The following COL25A1 variants were observed in gnomAD, a reference collection of about 807,000 sequenced individuals.
COL25A1 encodes collagen type XXV alpha 1 chain.
Under a neutral mutation model 128.4 loss-of-function variants are expected in COL25A1, and 103 were observed. The ratio of observed to expected loss-of-function variants is 0.80; its 90% CI spans 0.68 to 0.94. COL25A1 has a LOEUF of 0.94. Ranked by LOEUF, COL25A1 falls within the 40% of genes least tolerant of loss-of-function variation. The pLI is 0.00. For synonymous variants in COL25A1, 279 were observed against 277.2 expected (o/e 1.01, Z -0.06); for missense variants, 745 against 840.0 (o/e 0.89, Z 1.40).
chr4:108,963,093 C>T (rs1227484906), intron 8 of COL25A1, among the ~76,000 whole-genome samples: 1 of 152,208 alleles, frequency 6.6e-6, no homozygotes. Context: ...CCTACAGGAA[C>T]TGTTCTCCCT....
chr4:109,050,105 T>C, intron 4 of COL25A1, 30 bp downstream of exon 4: 4 of 1,593,382 alleles, frequency 2.5e-6, no homozygotes, highest in Non-Finnish European at 3.4e-6. Flanking sequence ...AGAACATGAG[T>C]GACACAGAGC....
intron 14 of COL25A1, among the ~76,000 whole-genome samples, chr4:108,899,778 C>G (rs1416302282): frequency 6.6e-6 from 1 of 152,020 alleles, no homozygotes; most frequent in Admixed American, 6.6e-5. Flanking sequence ...AGGAAAGACA[C>G]TAGAATGGGG....
chr4:109,291,701 A>T (rs13140690), intron 3 of COL25A1, among the ~76,000 whole-genome samples: 8,893 of 152,162 alleles, frequency 0.058, 339 homozygotes, highest in Non-Finnish European at 0.085. Flanking sequence ...GTAAAAATAT[A>T]AGGGAAGAAA....
intron 3 of COL25A1, among the ~76,000 whole-genome samples, chr4:109,215,168 AG>A (rs779469809): frequency 2.6e-5 from 4 of 152,180 alleles, no homozygotes; most frequent in Non-Finnish European, 5.9e-5. Context: ...ACAGGAAATC[AG>A]GGTAACAAGT....
At position 108,863,378 on chromosome 4, in the gene COL25A1, C is replaced by T. The variant is rs771422360; in HGVS notation, c.1093G>A (p.Gly365Arg). 6.2e-7 allele frequency: 1 copy of T among 1,613,750 alleles called. No individual in the cohort carries two copies. Among genetic ancestry groups the T allele is most frequent in the Admixed American group, 1.7e-5 (1 of 59,974 alleles). ...CCTCTTCCAGGAGGCCCTGCTTCCC[C>T]CCGTTCACCCTGTCACAAATTGCAA... ...PGLPGTKGER[G>R]EAGPPGRGER... The change falls in exon 21 of 38, where the codon GGG (glycine) becomes AGG (arginine). Residue 365 changes from glycine (G) to arginine (R), a missense_variant. By Grantham distance (125) the Gly-to-Arg change is moderately radical. This residue lies in a region of COL25A1 where 387 missense variants were observed against 441.9 expected (regional missense o/e 0.88). Coordinates refer to ENST00000399132, the MANE Select transcript of COL25A1 (RefSeq NM_198721.4).
chr4:108,858,321 A>G (rs1013055273), intron 24 of COL25A1, among the ~76,000 whole-genome samples: 2 of 151,998 alleles, frequency 1.3e-5, no homozygotes, highest in Non-Finnish European at 2.9e-5. Flanking sequence ...GTCATTGGTC[A>G]AGGAGCTGTT....
At chr4:109,224,818 T>A (rs1778682627) in intron 3 of COL25A1, among the ~76,000 whole-genome samples, 1 of 152,158 alleles carries the variant, frequency 6.6e-6, no homozygotes, top group Admixed American at 6.5e-5. Context: ...CAGGTGCCTG[T>A]AATCCCAGCT....
intron 6 of COL25A1, among the ~76,000 whole-genome samples, chr4:108,978,081 G>T (rs942656417): frequency 6.6e-6 from 1 of 152,210 alleles, no homozygotes; most frequent in East Asian, 1.9e-4. Context: ...CCAAATCCAC[G>T]TATCAACTAG....
At chr4:109,191,660 T>C (rs566473709) in intron 3 of COL25A1, among the ~76,000 whole-genome samples, 34 of 152,368 alleles carry the variant, frequency 2.2e-4, no homozygotes, top group Non-Finnish European at 4.6e-4. Flanking sequence ...AAATCCTTTA[T>C]TGAATGCTGA....
intron 3 of COL25A1, among the ~76,000 whole-genome samples, chr4:109,296,252 A>C (rs182451201): frequency 1.7e-3 from 262 of 152,160 alleles, no homozygotes; most frequent in Non-Finnish European, 2.8e-3. Flanking sequence ...TTTTCATCGG[A>C]AACCAGATTT....
intron 3 of COL25A1, among the ~76,000 whole-genome samples, chr4:109,203,560 C>T (rs1418690583): frequency 2.6e-5 from 4 of 152,024 alleles, no homozygotes; most frequent in African/African-American, 9.6e-5. Context: ...CCAGAGACCA[C>T]CAGTCCAGAG....
At chr4:108,905,491 T>C (rs1182085221) in intron 13 of COL25A1, among the ~76,000 whole-genome samples, 1 of 151,368 alleles carries the variant, frequency 6.6e-6, no homozygotes, top group African/African-American at 2.4e-5. Flanking sequence ...AATGTGCACA[T>C]GTACCCTAAA....
chr4:109,031,908 T>C (rs1043474157), intron 5 of COL25A1, among the ~76,000 whole-genome samples: 2 of 152,240 alleles, frequency 1.3e-5, no homozygotes, highest in African/African-American at 4.8e-5. Context: ...CTATAGCAGA[T>C]GGGAAGTTTA....
At chr4:109,151,059 A>G (rs960000208) in intron 3 of COL25A1, among the ~76,000 whole-genome samples, 3 of 152,150 alleles carry the variant, frequency 2.0e-5, no homozygotes, top group Admixed American at 6.5e-5. Flanking sequence ...AAGGTCTTCA[A>G]CTGCGTAAAA....
At chr4:109,287,340 G>C (rs1451612338) in intron 3 of COL25A1, among the ~76,000 whole-genome samples, 1 of 152,072 alleles carries the variant, frequency 6.6e-6, no homozygotes, top group Non-Finnish European at 1.5e-5. Context: ...ATTTGGCACA[G>C]GGTTTCACCC....
intron 30 of COL25A1, 134 bp from the exon 31 acceptor site, chr4:108,841,855 G>C: frequency 1.4e-6 from 1 of 718,230 alleles, no homozygotes; most frequent in South Asian, 1.8e-5. Flanking sequence ...AGGCAGGCTA[G>C]TGGATGTTAT....
intron 3 of COL25A1, among the ~76,000 whole-genome samples, chr4:109,119,556 T>C (rs911872841): frequency 6.6e-6 from 1 of 152,106 alleles, no homozygotes; most frequent in Admixed American, 6.6e-5. Flanking sequence ...TCTATGCCCA[T>C]AGATTAAATA....
At chr4:109,214,262 A>C (rs1233387917) in intron 3 of COL25A1, among the ~76,000 whole-genome samples, 1 of 152,174 alleles carries the variant, frequency 6.6e-6, no homozygotes. Context: ...AAACTTCATA[A>C]AATCAATTAG....
chr4:108,963,392 T>C (rs1750943716), intron 8 of COL25A1, among the ~76,000 whole-genome samples: 1 of 152,220 alleles, frequency 6.6e-6, no homozygotes, highest in Non-Finnish European at 1.5e-5. Flanking sequence ...ATGTTCATTA[T>C]TCATGGGTAT....
Sources: allele counts gnomAD v4.1 joint callset (sites outside exome capture counted in the v4.1 genomes callset), GRCh38; gene constraint gnomAD v4.1.1; regional missense constraint gnomAD v4.1.1; transcripts MANE v1.5; gene names NCBI Gene and HGNC (gene_info 2026-07-23, HGNC 2026-07-21).